The following TFDP2 variants were observed in gnomAD, a reference collection of about 807,000 sequenced individuals.
TFDP2 encodes the protein transcription factor Dp-2 (E2F dimerization partner 2).
A neutral mutation model predicts 59.3 loss-of-function variants in TFDP2; 17 were observed. The observed-to-expected ratio is 0.29, with a 90% CI of 0.20 to 0.43. TFDP2 has a LOEUF of 0.43. Ranked by LOEUF, TFDP2 falls within the 20% of genes least tolerant of loss-of-function variation. The probability of loss-of-function intolerance (pLI) is 1.00; values close to 1 mark genes in which losing one functional copy is unlikely to be tolerated. For missense variants in TFDP2, 391 were observed against 528.8 expected, an observed-to-expected ratio of 0.74 and a Z score of 2.56; for synonymous variants, 180 against 194.7, an observed-to-expected ratio of 0.92 and a Z score of 0.63.
At chr3:142,030,761 G>A (rs1233460522) in intron 3 of TFDP2, among the ~76,000 whole-genome samples, 1 of 24,966 alleles carries the variant, frequency 4.0e-5, no homozygotes, top group Non-Finnish European at 8.1e-5. Flanking sequence ...TTTTTTTTTT[G>A]AGACGGAGTC....
At chr3:141,959,911 T>C in intron 10 of TFDP2, 71 bp from the exon 11 acceptor site, 9 of 1,475,132 alleles carry the variant, frequency 6.1e-6, no homozygotes, top group Non-Finnish European at 8.3e-6. Context: ...TATTCTATAG[T>C]TTAAGTAACA....
At chr3:142,139,173 G>A (rs955262709) in intron 1 of TFDP2, among the ~76,000 whole-genome samples, 1 of 152,142 alleles carries the variant, frequency 6.6e-6, no homozygotes, top group Non-Finnish European at 1.5e-5. Context: ...TTTTATCAGA[G>A]ACTAGGATTG....
At chr3:142,026,387 A>T (rs190265450) in intron 3 of TFDP2, among the ~76,000 whole-genome samples, 68 of 152,306 alleles carry the variant, frequency 4.5e-4, no homozygotes, top group African/African-American at 1.6e-3. Flanking sequence ...AGCTAACAGC[A>T]AGAGGAATTT....
chr3:142,080,844 A>G (rs992354371), intron 3 of TFDP2, among the ~76,000 whole-genome samples: 1 of 152,242 alleles, frequency 6.6e-6, no homozygotes, highest in Non-Finnish European at 1.5e-5. Flanking sequence ...TAAAGCAAAT[A>G]TTACTGCTAA....
rs542073702 is a variant in TFDP2, at chr3:142,018,542, A to G, written c.83-12998T>C. Among the ~76,000 whole-genome samples the G allele has an allele frequency of 2.7e-4, 41 of 152,126 alleles. No homozygotes were observed. In the South Asian group the frequency reaches 7.5e-3, roughly 28 times the overall value. The stretch of plus-strand genomic sequence containing the variant: ...CAGTGGAACAATCACAGCTTACTGC[A>G]GCCTCAAACTCCAGGGTTCAAGTCA... On this transcript the variant is annotated intron_variant, in intron 3 of 12. Transcript: ENST00000489671.
intron 1 of TFDP2, among the ~76,000 whole-genome samples, chr3:142,145,011 G>A (rs1217145554): frequency 6.6e-6 from 1 of 152,142 alleles, no homozygotes; most frequent in Non-Finnish European, 1.5e-5. Context: ...ACAATAGGAG[G>A]AATGGAGAGA....
At chr3:141,972,180 G>A (rs994809234) in intron 8 of TFDP2, among the ~76,000 whole-genome samples, 1 of 152,098 alleles carries the variant, frequency 6.6e-6, no homozygotes, top group Non-Finnish European at 1.5e-5. Context: ...AAAAGATGTT[G>A]TAGGAGCATC....
chr3:141,973,056 A>G (rs1940002569), intron 8 of TFDP2, among the ~76,000 whole-genome samples: 1 of 149,018 alleles, frequency 6.7e-6, no homozygotes, highest in African/African-American at 2.4e-5. Flanking sequence ...ACTGAGAAAA[A>G]CAGGAAACCA....
intron 1 of TFDP2, among the ~76,000 whole-genome samples, chr3:142,128,115 C>T (rs116228027): frequency 3.3e-5 from 5 of 152,014 alleles, no homozygotes; most frequent in Non-Finnish European, 4.4e-5. Context: ...TGAGGTGGGA[C>T]GACTGCTTAA....
chr3:142,099,699 CA>C (rs766026708), intron 2 of TFDP2, among the ~76,000 whole-genome samples: 13,346 of 124,438 alleles, frequency 0.11, 655 homozygotes, highest in Middle Eastern at 0.17. Context: ...GACTCCATTT[CA>C]AAAAAAAAAA....
At chr3:141,978,406 A>C in intron 7 of TFDP2, 114 bp downstream of exon 7, 1 of 1,122,276 alleles carries the variant, frequency 8.9e-7, no homozygotes, top group Non-Finnish European at 1.2e-6. Flanking sequence ...AAATCCCCCA[A>C]AATAAAGGAT....
At chr3:142,144,889 G>C (rs1488239697) in intron 1 of TFDP2, among the ~76,000 whole-genome samples, 3 of 152,118 alleles carry the variant, frequency 2.0e-5, no homozygotes, top group Non-Finnish European at 4.4e-5. Context: ...GATAACTTTG[G>C]CTGCCATACA....
At chr3:142,079,553 C>T (rs1271609300) in intron 3 of TFDP2, among the ~76,000 whole-genome samples, 1 of 152,018 alleles carries the variant, frequency 6.6e-6, no homozygotes, top group Admixed American at 6.6e-5. Flanking sequence ...TTATAGAACA[C>T]CAAGCTGACT....
chr3:142,139,174 A>C (rs1234984741), intron 1 of TFDP2, among the ~76,000 whole-genome samples: 1 of 152,104 alleles, frequency 6.6e-6, no homozygotes, highest in Non-Finnish European at 1.5e-5. Context: ...TTTATCAGAG[A>C]CTAGGATTGC....
At chr3:141,965,236 T>A (rs1937784703) in intron 9 of TFDP2, among the ~76,000 whole-genome samples, 1 of 151,408 alleles carries the variant, frequency 6.6e-6, no homozygotes, top group South Asian at 2.1e-4. Context: ...CTTGTTATAA[T>A]CTTGTCACCC....
At chr3:141,980,125 G>T (rs1941306877) in intron 6 of TFDP2, among the ~76,000 whole-genome samples, 1 of 150,910 alleles carries the variant, frequency 6.6e-6, no homozygotes, top group African/African-American at 2.4e-5. Flanking sequence ...GGCTGCTCTT[G>T]AACTCCTGAC....
intron 2 of TFDP2, among the ~76,000 whole-genome samples, chr3:142,098,226 G>T: frequency 1.4e-5 from 2 of 147,048 alleles, no homozygotes; most frequent in African/African-American, 2.5e-5. Flanking sequence ...TCCATAATGA[G>T]TATTACAGCC....
At chr3:142,002,890 C>T (rs1246968670) in intron 4 of TFDP2, among the ~76,000 whole-genome samples, 1 of 152,070 alleles carries the variant, frequency 6.6e-6, no homozygotes, top group African/African-American at 2.4e-5. Flanking sequence ...GCTGGGAAGT[C>T]CAGGATCAAG....
At chr3:142,138,555 T>G (rs1277921281) in intron 1 of TFDP2, among the ~76,000 whole-genome samples, 4 of 152,230 alleles carry the variant, frequency 2.6e-5, no homozygotes. Flanking sequence ...TCCCAGAGAT[T>G]CTGGTACATT....
Sources: gnomAD v4.1 joint callset for allele counts (sites outside exome capture counted in the v4.1 genomes callset) on GRCh38, gnomAD v4.1.1 for gene constraint, MANE v1.5 for transcripts, NCBI Gene and HGNC (gene_info 2026-07-23, HGNC 2026-07-21) for gene names.